Variants in CAMK2G observed in about 807,000 individuals in gnomAD.
The protein encoded by CAMK2G is calcium/calmodulin-dependent protein kinase type II subunit gamma.
In CAMK2G, 23 loss-of-function variants were observed where a neutral mutation model predicts 88.7. The observed-to-expected ratio is 0.26, with a 90% CI of 0.19 to 0.37. CAMK2G has a LOEUF of 0.37. CAMK2G is among the 10% of genes least tolerant of loss of function. CAMK2G has a pLI of 1.00. For missense variants in CAMK2G, 476 were observed against 780.8 expected (o/e 0.61, Z 4.65); for synonymous variants, 263 against 294.8 (o/e 0.89, Z 1.11).
At chr10:73,873,442 G>A (rs953598328) in intron 1 of CAMK2G, 3 of 1,127,942 alleles carry the variant, frequency 2.7e-6, no homozygotes, top group South Asian at 5.1e-5. Flanking sequence ...CAGGGCAGAA[G>A]GGAGCAGAGA....
intron 3 of CAMK2G, among the ~76,000 whole-genome samples, chr10:73,855,620 G>C (rs902502263): frequency 1.2e-4 from 18 of 152,322 alleles, no homozygotes; most frequent in Non-Finnish European, 2.4e-4. Context: ...CCTCTGCCTA[G>C]ACATGGAGTC....
intron 3 of CAMK2G, among the ~76,000 whole-genome samples, chr10:73,854,947 A>C (rs1471633055): frequency 6.6e-6 from 1 of 152,180 alleles, no homozygotes; most frequent in Non-Finnish European, 1.5e-5. Context: ...TATTTCTGGG[A>C]ACGGGATCAA....
At chr10:73,843,285 C>T (rs2093956128) in intron 10 of CAMK2G, among the ~76,000 whole-genome samples, 1 of 152,074 alleles carries the variant, frequency 6.6e-6, no homozygotes, top group Admixed American at 6.5e-5. Context: ...CTGGTGGTCT[C>T]GAACTCCTGA....
rs1332109520 is a variant in CAMK2G, at chr10:73,839,605, A to G, written c.947-4T>C. The G allele has an allele frequency of 1.6e-6, 2 of 1,231,814 alleles. No individual in the cohort carries two copies. The highest frequency in any genetic ancestry group is 3.2e-5 in the East Asian group (1 of 31,622). 76.3% of individuals were successfully genotyped at this position (1,231,814 alleles called of 1,614,324 possible). On this transcript the variant is annotated splice_polypyrimidine_tract_variant and splice_region_variant and intron_variant, in intron 12 of 22. Coordinates refer to ENST00000423381, the MANE Select transcript of CAMK2G (RefSeq NM_001367534.1). This position sits in a 1 kb window ranked among gnomAD's most constrained non-coding sequence, Gnocchi z 4.2. ...GGGGCGGAGCTCTGCCTGCCAACTG[A>G]GGGGATACAGTCTCTCAGTGCACAG...
At chr10:73,827,789 G>C (rs1441873262) in intron 15 of CAMK2G, among the ~76,000 whole-genome samples, 1 of 152,158 alleles carries the variant, frequency 6.6e-6, no homozygotes, top group African/African-American at 2.4e-5. Context: ...AGAGAGTGAG[G>C]GTCTCTCCCT....
chr10:73,873,362 GC>G (rs2095910646), intron 1 of CAMK2G: 1 of 1,313,334 alleles, frequency 7.6e-7, no homozygotes. Flanking sequence ...CACATCAGGA[GC>G]GGGTGGGCGA....
intron 3 of CAMK2G, among the ~76,000 whole-genome samples, chr10:73,860,458 C>G (rs1407827721): frequency 1.3e-5 from 2 of 152,188 alleles, no homozygotes; most frequent in Non-Finnish European, 2.9e-5. Flanking sequence ...AAACAAAATC[C>G]TGACCCTTGC....
chr10:73,830,590 T>A (rs973597096), intron 14 of CAMK2G, among the ~76,000 whole-genome samples: 2 of 152,244 alleles, frequency 1.3e-5, no homozygotes, highest in African/African-American at 4.8e-5. Context: ...AACTATAACC[T>A]TTCGTTTTTC....
chr10:73,814,909 C>T, intron 22 of CAMK2G, 94 bp downstream of exon 22: 1 of 830,718 alleles, frequency 1.2e-6, no homozygotes, highest in Non-Finnish European at 1.9e-6. Context: ...GCCCACACCT[C>T]CTCTCCCAGG....
chr10:73,828,254 C>G (rs899457771), intron 14 of CAMK2G, 133 bp from the exon 15 acceptor site: 2 of 732,382 alleles, frequency 2.7e-6, no homozygotes, highest in Admixed American at 4.1e-5. Flanking sequence ...GACCCGGAGT[C>G]CAGCACCAGA....
Position 73,873,012 on chromosome 10 carries a change from T to C in CAMK2G, c.137A>G (p.Asn46Ser). The C allele has an allele frequency of 1.9e-6, 3 of 1,612,298 alleles. No homozygotes were observed. The highest frequency in any genetic ancestry group is 1.6e-4 in the Middle Eastern group (1 of 6,062). Residue 46 changes from asparagine (N) to serine (S), a missense_variant, in exon 2 of 23, where the codon AAT (asparagine) becomes AGT (serine). Coordinates refer to ENST00000423381, the MANE Select transcript of CAMK2G (RefSeq NM_001367534.1). ...ACCCCGGGCAGACAACTTCTTGGTA[T>C]TGATGATTTTTGCTGCGTACTCCTG... The part of the protein sequence containing the change: ...STQEYAAKII[N>S]TKKLSARDHQ...
intron 3 of CAMK2G, among the ~76,000 whole-genome samples, chr10:73,859,872 A>T (rs2095289661): frequency 6.6e-6 from 1 of 152,180 alleles, no homozygotes; most frequent in South Asian, 2.1e-4. Context: ...GCTCTGAAGG[A>T]AGCATTAGGC....
chr10:73,834,905 C>T (rs2093012106), intron 14 of CAMK2G, among the ~76,000 whole-genome samples: 1 of 152,174 alleles, frequency 6.6e-6, no homozygotes, highest in Admixed American at 6.5e-5. Context: ...ACAGTCACTG[C>T]TTTATTTCAG....
In CAMK2G at chr10:73,852,824, T is replaced by C. The variant is rs1051865439; in HGVS notation, c.275+368A>G. ...AGGAGAGACCCAATCCAATGGAGCC[T>C]GGTTTCCGACTAATGAAAGCTACCT... On this transcript the variant is annotated intron_variant, in intron 4 of 22. Coordinates refer to ENST00000423381, the MANE Select transcript of CAMK2G (RefSeq NM_001367534.1). 6 of 273,474 alleles carry C rather than the reference T, an allele frequency of 2.2e-5. No individual in the cohort carries two copies. In the Admixed American group the frequency reaches 3.0e-4, roughly 14 times the overall value. The allele number at this position is 273,474 out of a possible 1,614,324, so 16.9% of individuals were successfully genotyped here. A position where few individuals can be genotyped will look rare whatever the true frequency, so the allele number is the denominator to read the frequency against.
At chr10:73,841,915 A>G in intron 12 of CAMK2G, 2 of 511,136 alleles carry the variant, frequency 3.9e-6, no homozygotes, top group Non-Finnish European at 7.0e-6. Flanking sequence ...CCAGAGAAAC[A>G]AGGTACATAG....
At chr10:73,832,299 G>C (rs1202127823) in intron 14 of CAMK2G, among the ~76,000 whole-genome samples, 1 of 145,230 alleles carries the variant, frequency 6.9e-6, no homozygotes, top group Non-Finnish European at 1.5e-5. Flanking sequence ...GAATGATAGT[G>C]TATGTACTCC....
intron 3 of CAMK2G, 118 bp downstream of exon 3, chr10:73,860,712 A>G (rs1308970259): frequency 1.3e-6 from 1 of 783,608 alleles, no homozygotes. Context: ...GCTCATGTAA[A>G]AACAGACACC....
intron 18 of CAMK2G, among the ~76,000 whole-genome samples, chr10:73,819,924 C>T (rs1211801282): frequency 6.6e-6 from 1 of 152,192 alleles, no homozygotes; most frequent in Non-Finnish European, 1.5e-5. Flanking sequence ...GACCCCTGAT[C>T]CCGGGGAAGA....
Position 73,834,322 on chromosome 10 carries a change from T to C in CAMK2G, c.1053+3146A>G, listed in dbSNP as rs1488303300. ...CGAATACGCGGTTGGCCTTTTAATTTTGGGTGATCATTGGCCTCTGGTTCC... is the reference window on the plus strand; with the variant it reads ...CGAATACGCGGTTGGCCTTTTAATTCTGGGTGATCATTGGCCTCTGGTTCC... On this transcript the variant is annotated intron_variant, in intron 14 of 22. Coordinates refer to ENST00000423381, the MANE Select transcript of CAMK2G (RefSeq NM_001367534.1). Among the ~76,000 whole-genome samples the C allele has an allele frequency of 1.3e-5, 2 of 152,208 alleles. 1 individual carries two copies. The highest frequency in any genetic ancestry group is 4.1e-4 in the South Asian group (2 of 4,826).
Sources: gnomAD v4.1 joint callset for allele counts (sites outside exome capture counted in the v4.1 genomes callset) on GRCh38, gnomAD v4.1.1 for gene constraint, Gnocchi (gnomAD v3.1) non-coding constraint, MANE v1.5 for transcripts, NCBI Gene and HGNC (gene_info 2026-07-23, HGNC 2026-07-21) for gene names.